Variants in CDC40 observed in about 807,000 individuals in gnomAD.
CDC40 encodes pre-mRNA-processing factor 17.
In CDC40, 27 loss-of-function variants were observed where a neutral mutation model predicts 80.6. The ratio of observed to expected loss-of-function variants is 0.33; its 90% CI spans 0.25 to 0.46. The LOEUF (loss-of-function observed/expected upper bound fraction) is 0.46, where lower values mean the gene tolerates loss of function less well. CDC40 is among the 20% of genes least tolerant of loss of function. The pLI, the probability that CDC40 is intolerant of heterozygous loss-of-function variation, is 1.00. For missense variants in CDC40, 486 were observed against 694.1 expected (o/e 0.70, Z 3.37); for synonymous variants, 221 against 232.6 (o/e 0.95, Z 0.45).
At chr6:110,220,726 T>C (rs943052598) in intron 12 of CDC40, among the ~76,000 whole-genome samples, 3 of 152,164 alleles carry the variant, frequency 2.0e-5, no homozygotes, top group Non-Finnish European at 4.4e-5. Context: ...ATTACAGGCG[T>C]GAGCCACTGC....
chr6:110,224,190 T>A (rs1777819144), intron 12 of CDC40: 1 of 152,130 alleles, frequency 6.6e-6, no homozygotes, highest in African/African-American at 2.4e-5. Context: ...GGCATTTATT[T>A]TGGTAAAATA....
At position 110,228,832 on chromosome 6, in the gene CDC40, G is replaced by A. The variant is rs936609494; in HGVS notation, c.1418G>A (p.Gly473Glu). The A allele has an allele frequency of 3.2e-6, 5 of 1,569,400 alleles. No homozygotes were observed. Among genetic ancestry groups the A allele is most frequent in the Non-Finnish European group, 4.3e-6 (5 of 1,166,598 alleles). Residue 473 changes from glycine (G) to glutamate (E), a missense_variant and splice_region_variant, in exon 14 of 15, where the codon GGA becomes GAA. Gly to Glu is a moderately conservative substitution (Grantham distance 98). Coordinates refer to ENST00000307731, the MANE Select transcript of CDC40 (RefSeq NM_015891.3). ...AATACCTCATTTATTGAATTTACAGGAAAATGGCTAGCATGCCAATCAATG... is the reference window on the plus strand; with the variant it reads ...AATACCTCATTTATTGAATTTACAGAAAAATGGCTAGCATGCCAATCAATG... ...SMPAVTLSPN[G>E]KWLACQSMDN... is the part of the protein sequence containing the mutation.
At chr6:110,199,430 A>T (rs1162153880) in intron 2 of CDC40, among the ~76,000 whole-genome samples, 1 of 151,786 alleles carries the variant, frequency 6.6e-6, no homozygotes, top group Non-Finnish European at 1.5e-5. Context: ...CCGTCTCTAC[A>T]AAAAATACAA....
intron 1 of CDC40, among the ~76,000 whole-genome samples, chr6:110,190,395 A>G (rs973584854): frequency 2.0e-5 from 3 of 152,238 alleles, no homozygotes; most frequent in African/African-American, 7.2e-5. Flanking sequence ...ACAATAGGCC[A>G]GGCAAGATAT....
chr6:110,183,481 G>A (rs969157891), intron 1 of CDC40, among the ~76,000 whole-genome samples: 9 of 152,194 alleles, frequency 5.9e-5, no homozygotes, highest in African/African-American at 9.7e-5. Flanking sequence ...GAAAGGCTGC[G>A]TAAGGTACCA....
rs371735005 is a variant in CDC40, at chr6:110,225,143, A to G, written c.1341-1024A>G. Reference sequence around the variant, plus strand: ...TCTAGTCATTTCCTCCTTCTGCTGGATGGATGGATAAATAGAGAAAATCCT... The same window carrying G: ...TCTAGTCATTTCCTCCTTCTGCTGGGTGGATGGATAAATAGAGAAAATCCT... On this transcript the variant is annotated intron_variant, in intron 12 of 14. Coordinates refer to ENST00000307731, the MANE Select transcript of CDC40 (RefSeq NM_015891.3). Among the ~76,000 whole-genome samples, 10 of 152,320 alleles carry G rather than the reference A, an allele frequency of 6.6e-5. 1 individual carries two copies. The highest frequency in any genetic ancestry group is 4.6e-4 in the Admixed American group (7 of 15,298).
At chr6:110,202,506 G>A (rs1218002349) in intron 3 of CDC40, among the ~76,000 whole-genome samples, 2 of 152,066 alleles carry the variant, frequency 1.3e-5, no homozygotes, top group African/African-American at 2.4e-5. Context: ...TATTGTCTTC[G>A]ACTTTAGAAG....
Position 110,201,640 on chromosome 6 carries a change from T to G in CDC40, c.359T>G (p.Ile120Ser), listed in dbSNP as rs1777494642. 1 of 1,613,178 alleles carries G rather than the reference T, an allele frequency of 6.2e-7. No individual in the cohort carries two copies. Among genetic ancestry groups the G allele is most frequent in the African/African-American group, 1.3e-5 (1 of 74,898 alleles). The change falls in exon 3 of 15, where the codon ATC becomes AGC. Residue 120 changes from isoleucine (I) to serine (S), a missense_variant. Physicochemically the swap from Ile to Ser is moderately radical, Grantham distance 142. Coordinates refer to ENST00000307731, the MANE Select transcript of CDC40 (RefSeq NM_015891.3). ...MLSGYAEPAH[I>S]NDFMFEQQRR... is the part of the protein sequence containing the mutation. ...TCTGGATATGCCGAACCAGCTCATATCAATGATTTCATGTTTGAGCAGCAA... is the reference window on the plus strand; with the variant it reads ...TCTGGATATGCCGAACCAGCTCATAGCAATGATTTCATGTTTGAGCAGCAA...
intron 13 of CDC40, 86 bp downstream of exon 13, chr6:110,226,329 TTC>T: frequency 1.3e-6 from 1 of 771,202 alleles, no homozygotes; most frequent in Non-Finnish European, 2.2e-6. Flanking sequence ...GGCCCCTTCC[TTC>T]TTGGGGAAGT....
intron 13 of CDC40, among the ~76,000 whole-genome samples, chr6:110,226,763 C>A (rs1777867084): frequency 2.0e-5 from 3 of 151,620 alleles, no homozygotes; most frequent in Non-Finnish European, 2.9e-5. Context: ...TTCAGTAAAT[C>A]ATTTAATAAT....
chr6:110,205,304 TAAGAA>T (rs1777548528), intron 3 of CDC40, among the ~76,000 whole-genome samples: 1 of 152,202 alleles, frequency 6.6e-6, no homozygotes, highest in African/African-American at 2.4e-5. Flanking sequence ...GGAAGATAGA[TAAGAA>T]TATTTAAGAA....
At chr6:110,215,592 G>A (rs763884568) in intron 9 of CDC40, among the ~76,000 whole-genome samples, 2 of 152,174 alleles carry the variant, frequency 1.3e-5, no homozygotes, top group African/African-American at 2.4e-5. Context: ...GAGTATGGGG[G>A]ATGGTGAGAG....
intron 2 of CDC40, among the ~76,000 whole-genome samples, chr6:110,198,067 C>T (rs1333854089): frequency 6.6e-6 from 1 of 151,952 alleles, no homozygotes; most frequent in Non-Finnish European, 1.5e-5. Context: ...CACTTGTTAC[C>T]CTTTATCGTT....
chr6:110,223,063 C>G (rs1276643363), intron 12 of CDC40, among the ~76,000 whole-genome samples: 3 of 152,142 alleles, frequency 2.0e-5, no homozygotes, highest in Admixed American at 6.5e-5. Flanking sequence ...ACACTCTGAT[C>G]AAACTGATTC....
At chr6:110,215,015 A>G (rs1045748407) in intron 8 of CDC40, among the ~76,000 whole-genome samples, 7 of 152,236 alleles carry the variant, frequency 4.6e-5, no homozygotes, top group Non-Finnish European at 1.0e-4. Flanking sequence ...AACTCCATCT[A>G]TAGTTAAGTC....
chr6:110,228,020 T>C (rs1777888212), intron 13 of CDC40, among the ~76,000 whole-genome samples: 1 of 152,194 alleles, frequency 6.6e-6, no homozygotes, highest in African/African-American at 2.4e-5. Context: ...CACAGAGTAC[T>C]TACACAAACC....
chr6:110,207,014 A>T (rs1777571269), intron 3 of CDC40, among the ~76,000 whole-genome samples: 1 of 152,092 alleles, frequency 6.6e-6, no homozygotes, highest in African/African-American at 2.4e-5. Flanking sequence ...TTGGGTTCTA[A>T]ATAGAAATAT....
At chr6:110,214,440 TTAAC>T (rs1777674825) in intron 8 of CDC40, among the ~76,000 whole-genome samples, 1 of 152,200 alleles carries the variant, frequency 6.6e-6, no homozygotes, top group African/African-American at 2.4e-5. Context: ...AGTAAGTTGG[TTAAC>T]TAAGTAAAGG....
At chr6:110,199,320 C>T (rs569611793) in intron 2 of CDC40, among the ~76,000 whole-genome samples, 33 of 151,406 alleles carry the variant, frequency 2.2e-4, no homozygotes, top group Middle Eastern at 6.8e-3. Context: ...TGGCGGGGCG[C>T]GGTGGCTCAT....
Sources: gnomAD v4.1 joint callset for allele counts (sites outside exome capture counted in the v4.1 genomes callset) on GRCh38, gnomAD v4.1.1 for gene constraint, MANE v1.5 for transcripts, NCBI Gene and HGNC (gene_info 2026-07-23, HGNC 2026-07-21) for gene names.